Variants in PDE3B observed in about 807,000 individuals in gnomAD.
The protein encoded by PDE3B is cGMP-inhibited 3',5'-cyclic phosphodiesterase 3B.
In PDE3B, 66 loss-of-function variants were observed where a neutral mutation model predicts 116.8. That is an observed-to-expected ratio of 0.56 (90% CI 0.46 to 0.69). The LOEUF (loss-of-function observed/expected upper bound fraction) is 0.69. PDE3B is among the 30% of genes least tolerant of loss of function. The pLI is 0.00. For synonymous variants in PDE3B, 595 were observed against 533.6 expected, an observed-to-expected ratio of 1.12 and a Z score of -1.59; for missense variants, 1,384 against 1,368.1, an observed-to-expected ratio of 1.01 and a Z score of -0.18.
chr11:14,651,126 T>C (rs2133747767), intron 1 of PDE3B, among the ~76,000 whole-genome samples: 1 of 152,304 alleles, frequency 6.6e-6, no homozygotes, highest in East Asian at 1.9e-4. Context: ...TGGTTCCTTT[T>C]GAAGGCTGTG....
intron 14 of PDE3B, among the ~76,000 whole-genome samples, chr11:14,863,839 A>C (rs1290948215): frequency 3.3e-5 from 5 of 152,354 alleles, no homozygotes; most frequent in African/African-American, 1.2e-4. Flanking sequence ...GATAACAGCC[A>C]CCTCAAAAAC....
intron 1 of PDE3B, among the ~76,000 whole-genome samples, chr11:14,725,977 T>C (rs2133848796): frequency 6.6e-6 from 1 of 152,252 alleles, no homozygotes; most frequent in African/African-American, 2.4e-5. Flanking sequence ...GACTGCATTT[T>C]GGAATGCTCT....
the PDE3B span, among the ~76,000 whole-genome samples, chr11:14,882,773 A>T: frequency 6.6e-6 from 1 of 152,166 alleles, no homozygotes; most frequent in South Asian, 2.1e-4. Flanking sequence ...TGATTGTATA[A>T]CGAGAAAACC....
intron 11 of PDE3B, among the ~76,000 whole-genome samples, chr11:14,836,452 T>C (rs890548987): frequency 6.6e-6 from 1 of 152,196 alleles, no homozygotes; most frequent in Non-Finnish European, 1.5e-5. Context: ...TTGAATATGT[T>C]GATTGGTAGT....
chr11:14,741,218 A>G (rs928712632), intron 1 of PDE3B, among the ~76,000 whole-genome samples: 7 of 152,024 alleles, frequency 4.6e-5, no homozygotes, highest in African/African-American at 1.5e-4. Context: ...GTCTCCCACT[A>G]TTACTGTGTC....
At chr11:14,647,816 A>G (rs542460457) in intron 1 of PDE3B, among the ~76,000 whole-genome samples, 1 of 152,044 alleles carries the variant, frequency 6.6e-6, no homozygotes, top group East Asian at 1.9e-4. Context: ...GGGATGTTAT[A>G]TTACTGTGTT....
chr11:14,766,794 C>T (rs1337018445), intron 1 of PDE3B, among the ~76,000 whole-genome samples: 1 of 151,548 alleles, frequency 6.6e-6, no homozygotes, highest in Non-Finnish European at 1.5e-5. Flanking sequence ...TCACATATTT[C>T]CCAGTCTATA....
At chr11:14,740,065 G>A (rs1265039786) in intron 1 of PDE3B, among the ~76,000 whole-genome samples, 1 of 151,480 alleles carries the variant, frequency 6.6e-6, no homozygotes, top group Non-Finnish European at 1.5e-5. Context: ...AAATTTTCTT[G>A]TTTTGTTGTG....
At chr11:14,771,624 T>C (rs771062561) in intron 1 of PDE3B, among the ~76,000 whole-genome samples, 1 of 151,800 alleles carries the variant, frequency 6.6e-6, no homozygotes, top group South Asian at 2.1e-4. Flanking sequence ...TCTGATGATA[T>C]GTAATTTTTC....
chr11:14,898,067 C>G, the PDE3B span, among the ~76,000 whole-genome samples: 1 of 152,096 alleles, frequency 6.6e-6, no homozygotes, highest in South Asian at 2.1e-4. Flanking sequence ...GGATGATTGG[C>G]TGGGTCTACC....
chr11:14,877,592 G>A, the PDE3B span: 2 of 152,402 alleles, frequency 1.3e-5, no homozygotes, highest in South Asian at 4.1e-4. Context: ...AGCACTGGCA[G>A]GCTCTACATT....
At chr11:14,759,802 C>T (rs1274684388) in intron 1 of PDE3B, among the ~76,000 whole-genome samples, 2 of 152,076 alleles carry the variant, frequency 1.3e-5, no homozygotes, top group Non-Finnish European at 2.9e-5. Flanking sequence ...CCGCCTTGGC[C>T]TCCCAAAGTG....
chr11:14,814,499 C>T (rs1358176978), intron 5 of PDE3B, among the ~76,000 whole-genome samples: 1 of 152,062 alleles, frequency 6.6e-6, no homozygotes, highest in Non-Finnish European at 1.5e-5. Flanking sequence ...ACCACAGCAT[C>T]AAAAGCCACC....
At chr11:14,824,095 T>A (rs921329666) in intron 7 of PDE3B, among the ~76,000 whole-genome samples, 1 of 152,166 alleles carries the variant, frequency 6.6e-6, no homozygotes, top group African/African-American at 2.4e-5. Context: ...TAGGTCCTGG[T>A]CCTCACTTCT....
At chr11:14,707,575 A>G (rs771524215) in intron 1 of PDE3B, among the ~76,000 whole-genome samples, 6 of 152,060 alleles carry the variant, frequency 3.9e-5, no homozygotes, top group African/African-American at 7.2e-5. Context: ...AATAAAATAA[A>G]TAATCATTAA....
chr11:14,889,737 A>C, the PDE3B span, among the ~76,000 whole-genome samples: 2 of 152,208 alleles, frequency 1.3e-5, no homozygotes, highest in Admixed American at 6.5e-5. Context: ...TTATATAAGA[A>C]AAGCTTAATT....
In PDE3B at chr11:14,867,539, A is replaced by C. The variant is rs1848069773; in HGVS notation, c.2920A>C (p.Ser974Arg). ...DEEANLGLPI[S>R]PFMDRSSPQL... ...AGAAGCAAATCTTGGTCTGCCCATCAGTCCATTCATGGATCGTTCTTCTCC... is the reference window on the plus strand; with the variant it reads ...AGAAGCAAATCTTGGTCTGCCCATCCGTCCATTCATGGATCGTTCTTCTCC... Residue 974 changes from serine to arginine, a missense_variant, in exon 15 of 16, where the codon AGT (serine) becomes CGT (arginine). Around this residue, in one of 2 missense-constraint regions of PDE3B, gnomAD observed 428 missense variants for 561.4 expected, o/e 0.76. Coordinates refer to ENST00000282096, the MANE Select transcript of PDE3B (RefSeq NM_000922.4). 6.2e-7 allele frequency: 1 copy of C among 1,613,924 alleles called. No individual in the cohort carries two copies. Among genetic ancestry groups the C allele is most frequent in the Non-Finnish European group, 8.5e-7 (1 of 1,179,934 alleles).
chr11:14,834,678 A>G (rs1859998339), intron 10 of PDE3B, among the ~76,000 whole-genome samples: 1 of 152,222 alleles, frequency 6.6e-6, no homozygotes, highest in Non-Finnish European at 1.5e-5. Flanking sequence ...TGTAATCCAG[A>G]CACTACATGA....
At chr11:14,675,309 T>C (rs1854499746) in intron 1 of PDE3B, among the ~76,000 whole-genome samples, 1 of 152,188 alleles carries the variant, frequency 6.6e-6, no homozygotes, top group South Asian at 2.1e-4. Context: ...TTGGGGTCGT[T>C]CCTTTATAAT....
Sources: allele counts gnomAD v4.1 joint callset (sites outside exome capture counted in the v4.1 genomes callset), GRCh38; gene constraint gnomAD v4.1.1; regional missense constraint gnomAD v4.1.1; transcripts MANE v1.5; gene names NCBI Gene and HGNC (gene_info 2026-07-23, HGNC 2026-07-21).